Variants in RASGRP3 observed in about 807,000 individuals in gnomAD.
RASGRP3 encodes ras guanyl-releasing protein 3.
Under a neutral mutation model 82.7 loss-of-function variants are expected in RASGRP3, and 54 were observed. The ratio of observed to expected loss-of-function variants is 0.65; its 90% CI spans 0.52 to 0.82. The LOEUF is 0.82. Among genes scored for constraint, RASGRP3 ranks in the 40% least tolerant of loss-of-function variants. The pLI is 0.00. For synonymous variants in RASGRP3, 309 were observed against 300.5 expected (o/e 1.03, Z -0.29); for missense variants, 861 against 828.9 (o/e 1.04, Z -0.48).
chr2:33,441,922 T>G (rs1393808115), intron 1 of RASGRP3, among the ~76,000 whole-genome samples: 3 of 152,208 alleles, frequency 2.0e-5, no homozygotes. Flanking sequence ...AGGGAATTGT[T>G]AAATAACATT....
intron 1 of RASGRP3, among the ~76,000 whole-genome samples, chr2:33,501,474 C>G (rs1308930203): frequency 6.6e-6 from 1 of 152,204 alleles, no homozygotes; most frequent in African/African-American, 2.4e-5. Context: ...AGCTACCTAA[C>G]TCATTTCCAA....
intron 13 of RASGRP3, among the ~76,000 whole-genome samples, chr2:33,547,133 T>G (rs1674857150): frequency 6.7e-6 from 1 of 149,220 alleles, no homozygotes; most frequent in African/African-American, 2.5e-5. Flanking sequence ...GAGGCTATCA[T>G]CCCTAGCAAA....
chr2:33,439,564 T>C (rs1371237425), intron 1 of RASGRP3, among the ~76,000 whole-genome samples: 1 of 152,240 alleles, frequency 6.6e-6, no homozygotes, highest in East Asian at 1.9e-4. Context: ...TGCATGACTG[T>C]GTATGAGACT....
At position 33,556,324 on chromosome 2, in the gene RASGRP3, T is replaced by C. The variant is rs1305222200; in HGVS notation, c.1579+757T>C. ...CTGCAGTGGCGCAATCTCGGCTCAC[T>C]GCAAGCTCCGCTTCCCGGGTTCACG... On this transcript the variant is annotated intron_variant, in intron 15 of 17. Transcript: ENST00000403687. Among the ~76,000 whole-genome samples, 3 of 85,952 alleles carry C rather than the reference T, an allele frequency of 3.5e-5. No homozygotes were observed. In the Admixed American group the frequency reaches 3.5e-4, roughly 10 times the overall value. The allele number at this position is 85,952 out of a possible 152,430, so 56.4% of individuals were successfully genotyped here. A position where few individuals can be genotyped will look rare whatever the true frequency, so the allele number is the denominator to read the frequency against.
upstream of RASGRP3, among the ~76,000 whole-genome samples, chr2:33,474,872 C>T (rs1667265149): frequency 6.6e-6 from 1 of 152,182 alleles, no homozygotes; most frequent in Admixed American, 6.5e-5. Flanking sequence ...CTTAACTTTC[C>T]TGAGGCTGTT....
rs1000812611 is a variant in RASGRP3, at chr2:33,534,183, G to A, written c.1084-140G>A. On this transcript the variant is annotated intron_variant, in intron 10 of 17. Transcript: ENST00000403687. The stretch of plus-strand genomic sequence containing the variant: ...TTTAAATTTCATTTTCCATCTCTGC[G>A]TGCCGTCTTTTTATTGTTCTGCATT... 72 of 613,568 alleles carry A rather than the reference G, an allele frequency of 1.2e-4. No homozygotes were observed. In the East Asian group the frequency reaches 1.2e-3, roughly 10 times the overall value. The allele number at this position is 613,568 out of a possible 1,614,324, so 38.0% of individuals were successfully genotyped here. A position where few individuals can be genotyped will look rare whatever the true frequency, so the allele number is the denominator to read the frequency against.
chr2:33,539,285 A>T, intron 12 of RASGRP3, 75 bp downstream of exon 12: 5 of 1,249,946 alleles, frequency 4.0e-6, no homozygotes, highest in Non-Finnish European at 5.7e-6. Context: ...GCGATTGTCC[A>T]GGAATCTGAT....
intron 14 of RASGRP3, 107 bp from the exon 15 acceptor site, chr2:33,555,424 T>G: frequency 1.1e-6 from 1 of 883,144 alleles, no homozygotes; most frequent in Non-Finnish European, 1.8e-6. Flanking sequence ...ACATCCTGTT[T>G]GTGCCTGGCC....
chr2:33,499,761 T>G (rs1239855435), intron 1 of RASGRP3, among the ~76,000 whole-genome samples: 1 of 113,680 alleles, frequency 8.8e-6, no homozygotes, highest in Admixed American at 8.4e-5. Context: ...AAATATCAAA[T>G]CCAAAAAAAA....
intron 1 of RASGRP3, among the ~76,000 whole-genome samples, chr2:33,498,027 T>C (rs1041027336): frequency 6.8e-6 from 1 of 146,816 alleles, no homozygotes; most frequent in Non-Finnish European, 1.5e-5. Context: ...TTCTCCCTTC[T>C]CTCTTTCTTT....
rs115798319 is a variant in RASGRP3 at position 33,487,184 on chromosome 2, C to T, written c.-261+10477C>T. Reference sequence around the variant, plus strand: ...ATAAGTTCTCTTAAAAAGTTCACAACGTCATTCAGACATGCAAAATAATTA... The same window carrying T: ...ATAAGTTCTCTTAAAAAGTTCACAATGTCATTCAGACATGCAAAATAATTA... On this transcript the variant is annotated intron_variant, in intron 1 of 17. Transcript: ENST00000403687. 3.4e-3 allele frequency among the ~76,000 whole-genome samples: 515 copies of T among 152,204 alleles called. 2 individuals carry two copies. The highest frequency in any genetic ancestry group is 6.0e-3 in the Non-Finnish European group (405 of 68,014).
At chr2:33,459,290 A>G (rs1056381537) in intron 2 of RASGRP3, among the ~76,000 whole-genome samples, 2 of 151,428 alleles carry the variant, frequency 1.3e-5, no homozygotes, top group African/African-American at 4.9e-5. Context: ...GCCCGCCACC[A>G]CGCCCTGCTA....
chr2:33,555,334 G>C (rs10182807), intron 14 of RASGRP3, 197 bp from the exon 15 acceptor site: 8,328 of 425,460 alleles, frequency 0.02, 618 homozygotes, highest in African/African-American at 0.15. Flanking sequence ...AAAAGGGAAA[G>C]GAAACTCATG....
At chr2:33,484,828 T>C (rs577078766) in intron 1 of RASGRP3, among the ~76,000 whole-genome samples, 14 of 152,340 alleles carry the variant, frequency 9.2e-5, no homozygotes, top group Admixed American at 2.0e-4. Context: ...AGTAAGAGTC[T>C]AGTCCTAGTC....
chr2:33,450,773 TA>T (rs1487348115), intron 2 of RASGRP3, among the ~76,000 whole-genome samples: 2 of 150,408 alleles, frequency 1.3e-5, no homozygotes, highest in Non-Finnish European at 3.0e-5. Flanking sequence ...AGTTCTATTT[TA>T]AATGTTTTTT....
At chr2:33,509,231 G>A (rs1049688355) in intron 1 of RASGRP3, among the ~76,000 whole-genome samples, 7 of 151,992 alleles carry the variant, frequency 4.6e-5, no homozygotes, top group East Asian at 1.9e-4. Context: ...GGAAATGTCC[G>A]TTTCTACTAA....
At chr2:33,465,713 T>C (rs1470142658) in intron 2 of RASGRP3, among the ~76,000 whole-genome samples, 1 of 152,200 alleles carries the variant, frequency 6.6e-6, no homozygotes, top group Non-Finnish European at 1.5e-5. Flanking sequence ...AGGACTTTCA[T>C]AGCTAGAAAG....
chr2:33,477,338 CT>C (rs36054127), intron 1 of RASGRP3, among the ~76,000 whole-genome samples: 140 of 152,206 alleles, frequency 9.2e-4, no homozygotes, highest in African/African-American at 1.3e-3. Context: ...TTTATAGCGA[CT>C]TTTTTTCCCC....
At chr2:33,543,084 G>A (rs928743523) in intron 12 of RASGRP3, among the ~76,000 whole-genome samples, 1 of 152,060 alleles carries the variant, frequency 6.6e-6, no homozygotes, top group Non-Finnish European at 1.5e-5. Context: ...TGTGATCTTG[G>A]CTCATTGTAA....
Sources: allele counts gnomAD v4.1 joint callset (sites outside exome capture counted in the v4.1 genomes callset), GRCh38; gene constraint gnomAD v4.1.1; transcripts MANE v1.5; gene names NCBI Gene and HGNC (gene_info 2026-07-23, HGNC 2026-07-21).